Variants in NEO1 observed in about 807,000 individuals in gnomAD.
NEO1 encodes the protein neogenin.
In NEO1, 63 loss-of-function variants were observed where a neutral mutation model predicts 159.7. The ratio of observed to expected loss-of-function variants is 0.39; its 90% CI spans 0.32 to 0.49. The LOEUF is 0.49. Ranked by LOEUF, NEO1 falls within the 20% of genes least tolerant of loss-of-function variation. The pLI is 0.85. For missense variants in NEO1, 1,615 were observed against 1,831.0 expected (o/e 0.88, Z 2.15); for synonymous variants, 633 against 662.0 (o/e 0.96, Z 0.67).
intron 4 of NEO1, among the ~76,000 whole-genome samples, chr15:73,130,166 G>T (rs1426339114): frequency 6.6e-6 from 1 of 152,072 alleles, no homozygotes; most frequent in Non-Finnish European, 1.5e-5. Flanking sequence ...TAGAGACGGG[G>T]TTTCACCATG....
chr15:73,242,032 T>C (rs934191542), intron 8 of NEO1, among the ~76,000 whole-genome samples: 93 of 152,230 alleles, frequency 6.1e-4, no homozygotes, highest in African/African-American at 2.2e-3. Flanking sequence ...TGTATGAGCA[T>C]TCTGCTACGT....
intron 7 of NEO1, among the ~76,000 whole-genome samples, chr15:73,225,553 A>T (rs1054565900): frequency 1.3e-5 from 2 of 152,022 alleles, no homozygotes; most frequent in African/African-American, 2.4e-5. Flanking sequence ...CTGCTGAGTC[A>T]TGCAGGTTGT....
intron 11 of NEO1, among the ~76,000 whole-genome samples, chr15:73,252,636 G>A (rs2660828): frequency 0.84 from 127,661 of 152,122 alleles, 55,196 homozygotes; most frequent in Non-Finnish European, 0.94. Context: ...ACCCAGTTCA[G>A]TCACTTGCCA....
chr15:73,302,693 A>C lies in NEO1; in HGVS notation c.4383A>C (p.Ala1461=). ...LMKDLNAITT[A] The stretch of plus-strand genomic sequence containing the variant: ...AGGACCTAAACGCTATCACAACAGC[A>C]TGACGACCTTCACCAGGACCTGACT... Residue 1461 remains alanine (A), a synonymous_variant, in exon 29 of 29, where the codon GCA becomes GCC. Transcript: ENST00000261908. 6.2e-7 allele frequency: 1 copy of C among 1,613,832 alleles called. No individual in the cohort carries two copies.
At chr15:73,295,425 C>T (rs1567721663) in intron 26 of NEO1, among the ~76,000 whole-genome samples, 1 of 151,466 alleles carries the variant, frequency 6.6e-6, no homozygotes, top group Non-Finnish European at 1.5e-5. Flanking sequence ...CAGGCACCTT[C>T]CAATCAAATC....
At chr15:73,053,238 G>T (rs1166804024) in intron 1 of NEO1, among the ~76,000 whole-genome samples, 1 of 152,166 alleles carries the variant, frequency 6.6e-6, no homozygotes, top group Admixed American at 6.5e-5. Context: ...TGAGCTCCTG[G>T]TTCCCTGGCC....
intron 1 of NEO1, among the ~76,000 whole-genome samples, chr15:73,113,768 TC>T (rs1479704167): frequency 5.3e-5 from 8 of 152,092 alleles, no homozygotes; most frequent in African/African-American, 1.9e-4. Context: ...GGTGAAAACA[TC>T]CCATAGTAAC....
chr15:73,135,355 C>A (rs920721911), intron 4 of NEO1, among the ~76,000 whole-genome samples: 1 of 152,192 alleles, frequency 6.6e-6, no homozygotes, highest in African/African-American at 2.4e-5. Context: ...TTCTCTCTTT[C>A]TTCCCTTCCT....
At chr15:73,261,220 T>TA (rs2040606221) in intron 15 of NEO1, among the ~76,000 whole-genome samples, 1 of 152,076 alleles carries the variant, frequency 6.6e-6, no homozygotes, top group Admixed American at 6.6e-5. Context: ...GCCATTTCTC[T>TA]AAGGAACCCT....
intron 8 of NEO1, among the ~76,000 whole-genome samples, chr15:73,237,819 C>A (rs961467401): frequency 2.6e-5 from 4 of 152,172 alleles, no homozygotes; most frequent in Non-Finnish European, 2.9e-5. Flanking sequence ...CATTGAAAAT[C>A]TCATAAGCTT....
intron 22 of NEO1, among the ~76,000 whole-genome samples, chr15:73,281,590 A>G (rs1013820424): frequency 6.6e-6 from 1 of 152,178 alleles, no homozygotes; most frequent in Non-Finnish European, 1.5e-5. Flanking sequence ...ATTCCAGGCC[A>G]TACTTTGATG....
At chr15:73,129,620 AG>A (rs1372425385) in intron 4 of NEO1, among the ~76,000 whole-genome samples, 1 of 152,160 alleles carries the variant, frequency 6.6e-6, no homozygotes, top group Non-Finnish European at 1.5e-5. Context: ...TTTATTTTAA[AG>A]GGAGAGAATC....
In NEO1 at chr15:73,143,431, A is replaced by G. The variant is rs942350874; in HGVS notation, c.1015+7404A>G. The G allele has an allele frequency of 2.7e-4, 41 of 154,462 alleles. 1 individual carries two copies. Among genetic ancestry groups the G allele is most frequent in the Non-Finnish European group, 5.5e-4 (38 of 69,276 alleles). The allele number at this position is 154,462 out of a possible 1,614,324, so 9.6% of individuals were successfully genotyped here. On this transcript the variant is annotated intron_variant, in intron 5 of 28. Transcript: ENST00000261908. ...TTAAAGGGCTCATTTCTGTCCTTTG[A>G]AGAGTCAAATTTCTTTCCATCTTAA...
intron 7 of NEO1, among the ~76,000 whole-genome samples, chr15:73,196,850 C>T (rs1230502828): frequency 2.0e-5 from 3 of 152,146 alleles, no homozygotes; most frequent in Admixed American, 6.5e-5. Context: ...TCTCTTACTT[C>T]GGCAGATGAT....
At chr15:73,225,526 G>C (rs2038532995) in intron 7 of NEO1, among the ~76,000 whole-genome samples, 1 of 152,058 alleles carries the variant, frequency 6.6e-6, no homozygotes, top group Admixed American at 6.6e-5. Context: ...GTGTACCTAG[G>C]AGCATTATGG....
At chr15:73,072,605 T>A (rs2068589698) in intron 1 of NEO1, among the ~76,000 whole-genome samples, 1 of 152,184 alleles carries the variant, frequency 6.6e-6, no homozygotes, top group Non-Finnish European at 1.5e-5. Context: ...GGAATACATG[T>A]AAACAAGCGA....
In NEO1 at chr15:73,260,274, C is replaced by T; in HGVS notation, c.2207C>T (p.Thr736Ile). 1.2e-6 allele frequency: 2 copies of T among 1,606,386 alleles called. No homozygotes were observed. Among genetic ancestry groups the T allele is most frequent in the Non-Finnish European group, 1.7e-6 (2 of 1,176,600 alleles). The change falls in exon 15 of 29, where the codon ACT becomes ATT. Residue 736 changes from threonine (T) to isoleucine (I), a missense_variant. Around this residue, in one of 3 missense-constraint regions of NEO1, gnomAD observed 1,018 missense variants for 1,115.4 expected, o/e 0.91. Coordinates refer to ENST00000261908, the MANE Select transcript of NEO1 (RefSeq NM_002499.4). ...AETFESDLDE[T>I]RVPEVPSSLH... ...CTTTTCCACTTTTCCTTCCCAGAAA[C>T]TCGTGTTCCTGAAGTGCCTAGCTCT...
intron 15 of NEO1, among the ~76,000 whole-genome samples, chr15:73,264,841 T>C (rs990671012): frequency 6.6e-6 from 1 of 152,094 alleles, no homozygotes; most frequent in Non-Finnish European, 1.5e-5. Flanking sequence ...AATAAACACT[T>C]ACAATGTCCC....
intron 1 of NEO1, among the ~76,000 whole-genome samples, chr15:73,101,807 A>G (rs2070416868): frequency 6.6e-6 from 1 of 152,004 alleles, no homozygotes; most frequent in African/African-American, 2.4e-5. Context: ...GCCTGTATCT[A>G]TTTCAGTCTT....
Sources: gnomAD v4.1 joint callset for allele counts (sites outside exome capture counted in the v4.1 genomes callset) on GRCh38, gnomAD v4.1.1 for gene constraint, gnomAD v4.1.1 regional missense constraint, MANE v1.5 for transcripts, NCBI Gene and HGNC (gene_info 2026-07-23, HGNC 2026-07-21) for gene names.